RBMS3: variants seen among roughly 807,000 people sequenced by gnomAD.
The protein encoded by RBMS3 is RNA binding motif single stranded interacting protein 3.
Under a neutral mutation model 66.8 loss-of-function variants are expected in RBMS3, and 27 were observed. That is an observed-to-expected ratio of 0.40 (90% CI 0.30 to 0.56). The LOEUF (loss-of-function observed/expected upper bound fraction) is 0.56, where lower values mean the gene tolerates loss of function less well. RBMS3 is among the 20% of genes least tolerant of loss of function. The pLI, the probability that RBMS3 is intolerant of heterozygous loss-of-function variation, is 0.40. For missense variants in RBMS3, 513 were observed against 549.5 expected (o/e 0.93, Z 0.66); for synonymous variants, 188 against 183.0 (o/e 1.03, Z -0.22).
chr3:29,964,825 G>T (rs2149744773), intron 12 of RBMS3, among the ~76,000 whole-genome samples: 1 of 152,128 alleles, frequency 6.6e-6, no homozygotes, highest in East Asian at 1.9e-4. Context: ...CATCACCCTA[G>T]CAGTATACAC....
intron 4 of RBMS3, among the ~76,000 whole-genome samples, chr3:29,731,874 G>C (rs954839045): frequency 2.6e-5 from 4 of 151,326 alleles, no homozygotes; most frequent in Non-Finnish European, 5.9e-5. Context: ...GTCTCTCTCT[G>C]TCCTTCTGTC....
chr3:29,777,633 GATTAA>G (rs2056473220), intron 6 of RBMS3, among the ~76,000 whole-genome samples: 1 of 151,736 alleles, frequency 6.6e-6, no homozygotes, highest in Non-Finnish European at 1.5e-5. Flanking sequence ...TTTTTATAAA[GATTAA>G]ATTATCTTTC....
At chr3:29,873,962 G>A (rs1369056576) in intron 7 of RBMS3, among the ~76,000 whole-genome samples, 6 of 151,992 alleles carry the variant, frequency 3.9e-5, no homozygotes, top group Non-Finnish European at 8.8e-5. Flanking sequence ...CTTTTTTACA[G>A]CATTTGGCTG....
At chr3:29,428,647 A>G (rs2041057313) in intron 1 of RBMS3, among the ~76,000 whole-genome samples, 1 of 152,158 alleles carries the variant, frequency 6.6e-6, no homozygotes, top group South Asian at 2.1e-4. Context: ...GATTTTACAA[A>G]TGTAGGAGGA....
intron 6 of RBMS3, among the ~76,000 whole-genome samples, chr3:29,824,721 G>T (rs1004869424): frequency 6.6e-6 from 1 of 152,134 alleles, no homozygotes; most frequent in Admixed American, 6.6e-5. Context: ...TTAGTTTCCA[G>T]TTGTAAACCT....
chr3:29,406,666 G>T (rs1037511539), intron 1 of RBMS3, among the ~76,000 whole-genome samples: 2 of 152,166 alleles, frequency 1.3e-5, no homozygotes, highest in East Asian at 3.9e-4. Flanking sequence ...ACTGTTTTTT[G>T]TAACCCTAAG....
intron 6 of RBMS3, among the ~76,000 whole-genome samples, chr3:29,810,729 T>C (rs2057706513): frequency 6.6e-6 from 1 of 152,200 alleles, no homozygotes; most frequent in African/African-American, 2.4e-5. Flanking sequence ...ACAAATACCA[T>C]AGTAATAATT....
intron 4 of RBMS3, among the ~76,000 whole-genome samples, chr3:29,714,960 A>G (rs1306859539): frequency 6.6e-6 from 1 of 152,104 alleles, no homozygotes; most frequent in Non-Finnish European, 1.5e-5. Flanking sequence ...CATCAAACAC[A>G]AGGGGATCTT....
intron 5 of RBMS3, among the ~76,000 whole-genome samples, chr3:29,760,795 C>A (rs2055648141): frequency 6.6e-6 from 1 of 152,082 alleles, no homozygotes; most frequent in South Asian, 2.1e-4. Flanking sequence ...GCTTGCCTTT[C>A]TTATCCAAAC....
At chr3:29,961,442 C>T (rs1164951433) in intron 12 of RBMS3, among the ~76,000 whole-genome samples, 1 of 152,176 alleles carries the variant, frequency 6.6e-6, no homozygotes, top group South Asian at 2.1e-4. Flanking sequence ...TCCAGAGTTG[C>T]TTCCACATTT....
chr3:29,984,325 A>C (rs550846662), intron 12 of RBMS3, among the ~76,000 whole-genome samples: 35 of 151,662 alleles, frequency 2.3e-4, no homozygotes, highest in Non-Finnish European at 4.1e-4. Context: ...CCTTTTTTCA[A>C]GTTTCTTAGC....
At position 29,719,024 on chromosome 3, in the gene RBMS3, C is replaced by T. The variant is rs57236261; in HGVS notation, c.400-20696C>T. Among the ~76,000 whole-genome samples the T allele has an allele frequency of 4.1e-3, 631 of 152,226 alleles. 14 individuals carry two copies. Among genetic ancestry groups the T allele is most frequent in the Admixed American group, 0.035 (529 of 15,292 alleles). On this transcript the variant is annotated intron_variant, in intron 4 of 14. Coordinates refer to ENST00000383767, the MANE Select transcript of RBMS3 (RefSeq NM_001003793.3). ...CATATAGGTATGCTAAATATTCCTC[C>T]ATAAAACAAAGAGTGATTTTTGCTT...
intron 14 of RBMS3, among the ~76,000 whole-genome samples, chr3:29,994,294 C>T (rs186933246): frequency 1.4e-3 from 218 of 152,288 alleles, no homozygotes; most frequent in Non-Finnish European, 2.5e-3. Context: ...CACGGAGTCT[C>T]GCTGATTGCT....
intron 6 of RBMS3, among the ~76,000 whole-genome samples, chr3:29,765,295 A>C (rs540230845): frequency 1.6e-4 from 24 of 151,936 alleles, no homozygotes; most frequent in Non-Finnish European, 3.5e-4. Context: ...AATAGCTGAA[A>C]TCTTACTTTC....
intron 1 of RBMS3, among the ~76,000 whole-genome samples, chr3:29,433,028 G>T (rs1419084007): frequency 2.0e-5 from 3 of 152,116 alleles, no homozygotes; most frequent in Admixed American, 2.0e-4. Flanking sequence ...TATTTACCCA[G>T]ACCCACTAGG....
At chr3:29,607,400 C>G (rs73831616) in intron 4 of RBMS3, among the ~76,000 whole-genome samples, 3 of 151,878 alleles carry the variant, frequency 2.0e-5, no homozygotes, top group South Asian at 4.1e-4. Context: ...TCAAATGGAG[C>G]CTTCCAGCTG....
chr3:29,778,051 T>A (rs2056487585), intron 6 of RBMS3, among the ~76,000 whole-genome samples: 1 of 151,922 alleles, frequency 6.6e-6, no homozygotes, highest in South Asian at 2.1e-4. Context: ...CCCCTTGACC[T>A]TTGCCTCCTG....
At chr3:29,301,890 A>G (rs545610577) in intron 1 of RBMS3, among the ~76,000 whole-genome samples, 29 of 152,154 alleles carry the variant, frequency 1.9e-4, no homozygotes, top group African/African-American at 6.0e-4. Flanking sequence ...TGGGTCTGCA[A>G]ACCAGAGGTG....
intron 3 of RBMS3, among the ~76,000 whole-genome samples, chr3:29,505,712 G>A (rs1276129880): frequency 1.3e-5 from 2 of 151,544 alleles, no homozygotes; most frequent in African/African-American, 2.4e-5. Flanking sequence ...CAATGAACGT[G>A]AGACATGTTT....
Sources: gnomAD v4.1 joint callset for allele counts (sites outside exome capture counted in the v4.1 genomes callset) on GRCh38, gnomAD v4.1.1 for gene constraint, MANE v1.5 for transcripts, NCBI Gene and HGNC (gene_info 2026-07-23, HGNC 2026-07-21) for gene names.